CDH4: variants seen among roughly 807,000 people sequenced by gnomAD.
The protein encoded by CDH4 is cadherin 4, also known as cadherin-4.
Under a neutral mutation model 86.0 loss-of-function variants are expected in CDH4, and 33 were observed. That is an observed-to-expected ratio of 0.38 (90% CI 0.29 to 0.51). The LOEUF is 0.51. CDH4 is among the 20% of genes least tolerant of loss of function. CDH4 has a pLI of 0.86. For synonymous variants in CDH4, 555 were observed against 549.4 expected, an observed-to-expected ratio of 1.01 and a Z score of -0.14; for missense variants, 1,114 against 1,307.4, an observed-to-expected ratio of 0.85 and a Z score of 2.28.
At chr20:61,413,362 G>C (rs909511422) in intron 2 of CDH4, among the ~76,000 whole-genome samples, 18 of 152,150 alleles carry the variant, frequency 1.2e-4, no homozygotes, top group Non-Finnish European at 2.1e-4. Context: ...GAGGGGAGGG[G>C]TGTGTCACCA....
At chr20:61,331,605 G>A (rs75513443) in intron 2 of CDH4, among the ~76,000 whole-genome samples, 846 of 106,570 alleles carry the variant, frequency 7.9e-3, no homozygotes, top group Middle Eastern at 0.012. Context: ...TCCTGCCCCG[G>A]CCACCTGCCC....
chr20:61,604,435 C>G (rs760286356), intron 2 of CDH4, among the ~76,000 whole-genome samples: 22 of 152,234 alleles, frequency 1.4e-4, no homozygotes, highest in Non-Finnish European at 3.1e-4. Flanking sequence ...GGGAACATAC[C>G]TGGCAGTGGA....
chr20:61,849,431 G>A (rs1458018096), intron 5 of CDH4, among the ~76,000 whole-genome samples: 1 of 152,218 alleles, frequency 6.6e-6, no homozygotes, highest in Non-Finnish European at 1.5e-5. Flanking sequence ...CCGTGCTGTA[G>A]GTCAGAAGTC....
At chr20:61,259,152 G>A (rs994577435) in intron 2 of CDH4, among the ~76,000 whole-genome samples, 31 of 152,234 alleles carry the variant, frequency 2.0e-4, no homozygotes, top group Admixed American at 1.8e-3. Flanking sequence ...GACAGACAGT[G>A]AATTGCTGAA....
chr20:61,867,557 A>T (rs1477854370), intron 6 of CDH4, among the ~76,000 whole-genome samples: 2 of 81,606 alleles, frequency 2.5e-5, no homozygotes, highest in Non-Finnish European at 5.7e-5. Flanking sequence ...CCAAAAAAAA[A>T]AAAAAGAGAG....
At chr20:61,515,278 G>C (rs2085810520) in intron 2 of CDH4, among the ~76,000 whole-genome samples, 1 of 152,224 alleles carries the variant, frequency 6.6e-6, no homozygotes, top group African/African-American at 2.4e-5. Flanking sequence ...TGTGGCCTGG[G>C]AACCTGCGGT....
intron 2 of CDH4, among the ~76,000 whole-genome samples, chr20:61,552,400 T>C (rs2086139184): frequency 6.6e-6 from 1 of 152,000 alleles, no homozygotes; most frequent in Non-Finnish European, 1.5e-5. Flanking sequence ...AAAATGCAAA[T>C]CAAAACAACA....
At chr20:61,776,812 G>A (rs1049427289) in intron 4 of CDH4, among the ~76,000 whole-genome samples, 24 of 152,330 alleles carry the variant, frequency 1.6e-4, no homozygotes, top group African/African-American at 4.8e-4. Context: ...TACGTCAATC[G>A]TGCCTACATG....
rs912952530 is a variant in CDH4 at position 61,938,273 on chromosome 20, G to C, written c.*1330G>C. The C allele has an allele frequency of 2.7e-5, 4 of 150,126 alleles. No individual in the cohort carries two copies. The highest frequency in any genetic ancestry group is 1.0e-4 in the African/African-American group (4 of 39,354). The allele number at this position is 150,126 out of a possible 1,614,324, so 9.3% of individuals were successfully genotyped here. On this transcript the variant is annotated 3_prime_UTR_variant, in exon 16 of 16. Coordinates refer to ENST00000614565, the MANE Select transcript of CDH4 (RefSeq NM_001794.5). ...GGGCTGGGTTGACTCAAGCCAGACA[G>C]GGGGAAGGAATTGGTTCTGCAGGAC... is the stretch of plus-strand genomic sequence containing the variant.
chr20:61,275,087 T>G (rs1381623645), intron 2 of CDH4, among the ~76,000 whole-genome samples: 3 of 88,126 alleles, frequency 3.4e-5, no homozygotes, highest in African/African-American at 9.3e-5. Context: ...CATGTGTAGT[T>G]TGGGGGAGTA....
intron 2 of CDH4, among the ~76,000 whole-genome samples, chr20:61,374,394 G>A (rs2084855502): frequency 6.6e-6 from 1 of 152,130 alleles, no homozygotes. Flanking sequence ...GGCATCCCCT[G>A]GGAGTTACCT....
chr20:61,875,861 G>A (rs191134437), intron 7 of CDH4, among the ~76,000 whole-genome samples: 7 of 152,238 alleles, frequency 4.6e-5, no homozygotes, highest in South Asian at 2.1e-4. Context: ...ACCAGATACC[G>A]TCCCCCATCT....
intron 2 of CDH4, among the ~76,000 whole-genome samples, chr20:61,317,042 T>G (rs2084480507): frequency 6.6e-6 from 1 of 151,888 alleles, no homozygotes. Flanking sequence ...ATTTATATAC[T>G]TATTATTTTT....
chr20:61,281,104 C>T (rs1200984814), intron 2 of CDH4, among the ~76,000 whole-genome samples: 1 of 152,198 alleles, frequency 6.6e-6, no homozygotes, highest in Non-Finnish European at 1.5e-5. Flanking sequence ...TCAGAGCTGG[C>T]ACTGGAATTC....
intron 2 of CDH4, among the ~76,000 whole-genome samples, chr20:61,716,841 G>C (rs575172159): frequency 1.3e-5 from 2 of 152,234 alleles, no homozygotes; most frequent in Non-Finnish European, 2.9e-5. Flanking sequence ...CTGGGAGGCA[G>C]AGGTTGCAGG....
intron 9 of CDH4, among the ~76,000 whole-genome samples, chr20:61,914,493 C>T (rs775231643): frequency 5.3e-5 from 8 of 152,190 alleles, no homozygotes; most frequent in South Asian, 2.1e-4. Context: ...TTCCCGGGTG[C>T]GGGCTCAGCC....
At chr20:61,842,518 G>A (rs1326552690) in intron 4 of CDH4, among the ~76,000 whole-genome samples, 1 of 152,194 alleles carries the variant, frequency 6.6e-6, no homozygotes, top group Non-Finnish European at 1.5e-5. Flanking sequence ...CCAGGTGTGT[G>A]TTCTCTGCTA....
At chr20:61,559,339 A>T (rs1042510871) in intron 2 of CDH4, among the ~76,000 whole-genome samples, 15 of 151,904 alleles carry the variant, frequency 9.9e-5, no homozygotes, top group Non-Finnish European at 1.8e-4. Context: ...AAAAATTTTT[A>T]AAAAGTATTG....
At chr20:61,565,297 G>GGTCCTCTTGGTGGTGGTC (rs2086278934) in intron 2 of CDH4, among the ~76,000 whole-genome samples, 1 of 58,174 alleles carries the variant, frequency 1.7e-5, no homozygotes, top group African/African-American at 9.4e-5. Context: ...TGATGGTGGT[G>GGTCCTCTTGGTGGTGGTC]GCGGTGCTCT....
Sources: allele counts gnomAD v4.1 joint callset (sites outside exome capture counted in the v4.1 genomes callset), GRCh38; gene constraint gnomAD v4.1.1; transcripts MANE v1.5; gene names NCBI Gene and HGNC (gene_info 2026-07-23, HGNC 2026-07-21).